Variants in MYOM1 observed in about 807,000 individuals in gnomAD.
MYOM1 encodes myomesin-1.
MYOM1 carries 164 observed loss-of-function variants against 205.3 expected under a neutral mutation model. The ratio of observed to expected loss-of-function variants is 0.80; its 90% CI spans 0.70 to 0.91. The LOEUF (loss-of-function observed/expected upper bound fraction) is 0.91. Ranked by LOEUF, MYOM1 falls within the 40% of genes least tolerant of loss-of-function variation. The pLI is 0.00. For synonymous variants in MYOM1, 772 were observed against 789.4 expected (o/e 0.98, Z 0.37); for missense variants, 2,011 against 2,127.3 (o/e 0.95, Z 1.08).
At chr18:3,170,749 A>G (rs2080544879) in intron 8 of MYOM1, among the ~76,000 whole-genome samples, 1 of 152,170 alleles carries the variant, frequency 6.6e-6, no homozygotes, top group African/African-American at 2.4e-5. Context: ...CAACAAATCT[A>G]TGCCGTAGAT....
At chr18:3,215,293 A>C in intron 1 of MYOM1, 42 bp from the exon 2 acceptor site, 3 of 1,420,934 alleles carry the variant, frequency 2.1e-6, no homozygotes, top group Non-Finnish European at 2.9e-6. Flanking sequence ...ATTAAGGAAC[A>C]AATTCCATAG....
chr18:3,214,681 G>A (rs2081234954), intron 2 of MYOM1, among the ~76,000 whole-genome samples: 1 of 152,108 alleles, frequency 6.6e-6, no homozygotes, highest in African/African-American at 2.4e-5. Context: ...ACATGAGCCG[G>A]GCGTGGTGGT....
At chr18:3,097,378 G>A (rs1292897029) in intron 25 of MYOM1, among the ~76,000 whole-genome samples, 3 of 128,274 alleles carry the variant, frequency 2.3e-5, no homozygotes, top group Non-Finnish European at 5.1e-5. Flanking sequence ...ACACCCTTGG[G>A]TTGGGGGCTC....
chr18:3,191,471 T>C lies in MYOM1; in HGVS notation c.431+2347A>G, dbSNP rs2080904521. ...TCTCTGCAGGGTTGTATGGAGAATT[T>C]AGCAAGATGGTTTATATAAAGCACC... is the stretch of plus-strand genomic sequence containing the variant. On this transcript the variant is annotated intron_variant, in intron 3 of 37. Coordinates refer to ENST00000356443, the MANE Select transcript of MYOM1 (RefSeq NM_003803.4). Among the ~76,000 whole-genome samples, 4 of 152,196 alleles carry C rather than the reference T, an allele frequency of 2.6e-5. No homozygotes were observed. The South Asian group carries it at 6.2e-4, about 24-fold the overall frequency.
chr18:3,208,168 G>A (rs1177071640), intron 2 of MYOM1, among the ~76,000 whole-genome samples: 2 of 152,184 alleles, frequency 1.3e-5, no homozygotes, highest in African/African-American at 4.8e-5. Context: ...CTGATACATA[G>A]AAAGGACCAT....
At chr18:3,228,771 G>A in the MYOM1 span, among the ~76,000 whole-genome samples, 3 of 152,192 alleles carry the variant, frequency 2.0e-5, no homozygotes, top group South Asian at 2.1e-4. This position sits in a 1 kb window ranked among gnomAD's most constrained non-coding sequence, Gnocchi z 4.5. Context: ...CCTGGGTCCC[G>A]CGCGTGACCG....
chr18:3,155,188 C>T (rs1030309759), intron 10 of MYOM1, 100 bp from the exon 11 acceptor site: 1 of 1,225,110 alleles, frequency 8.2e-7, no homozygotes, highest in Non-Finnish European at 1.1e-6. Context: ...ATCACAGTGG[C>T]TCAATCTTTG....
intron 12 of MYOM1, 93 bp downstream of exon 12, chr18:3,151,601 T>A: frequency 8.9e-7 from 1 of 1,127,062 alleles, no homozygotes; most frequent in South Asian, 1.8e-5. Flanking sequence ...CTCCCTCTAG[T>A]GGAAGGGAGA....
intron 34 of MYOM1, among the ~76,000 whole-genome samples, chr18:3,077,303 G>C (rs1319902235): frequency 6.6e-6 from 1 of 152,102 alleles, no homozygotes; most frequent in Non-Finnish European, 1.5e-5. Context: ...ACAGCTGTGA[G>C]CCACCATGTC....
At chr18:3,146,493 A>G (rs1329488010) in intron 13 of MYOM1, among the ~76,000 whole-genome samples, 1 of 152,154 alleles carries the variant, frequency 6.6e-6, no homozygotes, top group Non-Finnish European at 1.5e-5. Context: ...ATGTAATTCA[A>G]CATGTTAATG....
chr18:3,130,041 T>C (rs1342384988), intron 17 of MYOM1, among the ~76,000 whole-genome samples: 1 of 152,018 alleles, frequency 6.6e-6, no homozygotes, highest in African/African-American at 2.4e-5. Context: ...CTTCCTTCGT[T>C]TTCTTTCTTC....
rs190341280 is a variant in MYOM1, at chr18:3,114,135, T to G, written c.3304-1723A>C. ...ATTTCCAGAAGAACACAGAAACATT[T>G]CCGTGTAATAAAAATAGAGTAATCG... On this transcript the variant is annotated intron_variant, in intron 21 of 37. Coordinates refer to ENST00000356443, the MANE Select transcript of MYOM1 (RefSeq NM_003803.4). 2.6e-5 allele frequency among the ~76,000 whole-genome samples: 4 copies of G among 152,320 alleles called. No individual in the cohort carries two copies. The East Asian group carries it at 7.7e-4, about 29-fold the overall frequency.
chr18:3,090,625 A>G, intron 27 of MYOM1, 33 bp downstream of exon 27: 1 of 1,612,472 alleles, frequency 6.2e-7, no homozygotes, highest in East Asian at 2.2e-5. Context: ...GGAGTAGCAA[A>G]GCCTGCTGGT....
chr18:3,141,139 C>T (rs914089498), intron 14 of MYOM1, among the ~76,000 whole-genome samples: 3 of 152,144 alleles, frequency 2.0e-5, no homozygotes, highest in South Asian at 2.1e-4. Flanking sequence ...CTGTGCCTTG[C>T]GTGGCCGGCT....
chr18:3,226,122 T>C, the MYOM1 span, among the ~76,000 whole-genome samples: 2 of 152,232 alleles, frequency 1.3e-5, no homozygotes, highest in East Asian at 1.9e-4. The surrounding 1 kb of genome is among the most constrained non-coding windows in gnomAD (Gnocchi z 4.6). Context: ...TGTTCATTTG[T>C]AACCCTAATG....
At chr18:3,200,611 G>A (rs550777522) in intron 2 of MYOM1, among the ~76,000 whole-genome samples, 1 of 151,918 alleles carries the variant, frequency 6.6e-6, no homozygotes, top group African/African-American at 2.4e-5. Flanking sequence ...TTTCTTAGAG[G>A]GACTCAACAG....
chr18:3,100,507 T>C, intron 23 of MYOM1, 81 bp from the exon 24 acceptor site: 3 of 932,814 alleles, frequency 3.2e-6, no homozygotes, highest in Non-Finnish European at 5.1e-6. Flanking sequence ...TGGGCATTTG[T>C]GTATACTACT....
chr18:3,183,204 C>T (rs2080763817), intron 5 of MYOM1, among the ~76,000 whole-genome samples: 1 of 152,192 alleles, frequency 6.6e-6, no homozygotes, highest in Admixed American at 6.5e-5. Context: ...GCTGGGATTA[C>T]AGGCGTGGGC....
Position 3,179,276 on chromosome 18 carries a change from C to T in MYOM1, c.930-3142G>A, listed in dbSNP as rs1323438231. Among the ~76,000 whole-genome samples the T allele has an allele frequency of 2.0e-5, 3 of 152,114 alleles. No individual in the cohort carries two copies. The highest frequency in any genetic ancestry group is 7.2e-5 in the African/African-American group (3 of 41,418). On this transcript the variant is annotated intron_variant, in intron 5 of 37. Transcript: ENST00000356443. This position sits in a 1 kb window ranked among gnomAD's most constrained non-coding sequence, Gnocchi z 4.4. The stretch of plus-strand genomic sequence containing the variant: ...GGTTGAACAGAATTAGCACGTAATG[C>T]AATAGATTAATTGTAGCTTCATAAT...
Sources: allele counts gnomAD v4.1 joint callset (sites outside exome capture counted in the v4.1 genomes callset), GRCh38; gene constraint gnomAD v4.1.1; non-coding constraint Gnocchi (gnomAD v3.1); transcripts MANE v1.5; gene names NCBI Gene and HGNC (gene_info 2026-07-23, HGNC 2026-07-21).